The following NGF variants were observed in gnomAD, a reference collection of about 807,000 sequenced individuals.
NGF encodes nerve growth factor, also known as beta-nerve growth factor.
In NGF, 4 loss-of-function variants were observed where a neutral mutation model predicts 12.8. That is an observed-to-expected ratio of 0.31 (90% CI 0.15 to 0.72). The LOEUF (loss-of-function observed/expected upper bound fraction) is 0.72, where lower values mean the gene tolerates loss of function less well. Among genes scored for constraint, NGF ranks in the 30% least tolerant of loss-of-function variants. The probability of loss-of-function intolerance (pLI) is 0.69; values close to 1 mark genes in which losing one functional copy is unlikely to be tolerated. For missense variants in NGF, 283 were observed against 330.8 expected, an observed-to-expected ratio of 0.86 and a Z score of 1.12; for synonymous variants, 140 against 130.0, an observed-to-expected ratio of 1.08 and a Z score of -0.52.
chr1:115,293,445 G>T (rs1231123363), intron 2 of NGF, among the ~76,000 whole-genome samples, 182 bp downstream of exon 2: 1 of 152,216 alleles, frequency 6.6e-6, no homozygotes, highest in Admixed American at 6.5e-5. Context: ...ATGCACAAAA[G>T]ATTTCCTTTC....
chr1:115,293,938 C>A (rs971943599), intron 1 of NGF, among the ~76,000 whole-genome samples, 188 bp from the exon 2 acceptor site: 1 of 152,206 alleles, frequency 6.6e-6, no homozygotes, highest in African/African-American at 2.4e-5. Context: ...TCTCATGGTC[C>A]TGTGGTGGCA....
intron 2 of NGF, among the ~76,000 whole-genome samples, chr1:115,287,696 A>T (rs1653557337): frequency 6.6e-6 from 1 of 151,958 alleles, no homozygotes; most frequent in South Asian, 2.1e-4. Context: ...GTGTCCTTCC[A>T]TCCACCCTTC....
intron 2 of NGF, among the ~76,000 whole-genome samples, chr1:115,289,739 C>G (rs1028967223): frequency 6.6e-6 from 1 of 152,160 alleles, no homozygotes; most frequent in African/African-American, 2.4e-5. Context: ...TCTTGATCCT[C>G]TCTCCTCATC....
chr1:115,295,950 C>G (rs1653854564), intron 1 of NGF, among the ~76,000 whole-genome samples: 1 of 152,126 alleles, frequency 6.6e-6, no homozygotes, highest in Non-Finnish European at 1.5e-5. Context: ...AGCAAGTAAT[C>G]TAGAGATAGG....
At chr1:115,288,380 A>C (rs993444159) in intron 2 of NGF, among the ~76,000 whole-genome samples, 3 of 152,178 alleles carry the variant, frequency 2.0e-5, no homozygotes, top group African/African-American at 4.8e-5. Flanking sequence ...GGAGGTGGGC[A>C]AAAAACACTA....
At chr1:115,290,585 G>A (rs1013232812) in intron 2 of NGF, among the ~76,000 whole-genome samples, 25 of 151,550 alleles carry the variant, frequency 1.6e-4, no homozygotes, top group African/African-American at 4.8e-4. Flanking sequence ...TTGCAGAGGC[G>A]GGGTTTCACC....
intron 2 of NGF, among the ~76,000 whole-genome samples, chr1:115,290,354 T>A (rs1207416532): frequency 4.6e-5 from 7 of 151,902 alleles, no homozygotes; most frequent in Admixed American, 3.9e-4. Flanking sequence ...GGGGAGCTTT[T>A]TCTAATTCTG....
chr1:115,315,328 T>C (rs1654448008), intron 1 of NGF, among the ~76,000 whole-genome samples: 2 of 152,172 alleles, frequency 1.3e-5, no homozygotes, highest in South Asian at 4.1e-4. Flanking sequence ...GCTCCTGCAA[T>C]TATCCAGGTG....
intron 1 of NGF, among the ~76,000 whole-genome samples, chr1:115,299,481 G>A (rs1653968405): frequency 6.6e-6 from 1 of 152,150 alleles, no homozygotes; most frequent in African/African-American, 2.4e-5. Context: ...CACCTGACTG[G>A]AGGAATTCAT....
chr1:115,330,974 CG>C (rs1480373770), intron 1 of NGF, among the ~76,000 whole-genome samples: 2 of 152,174 alleles, frequency 1.3e-5, no homozygotes, highest in Non-Finnish European at 2.9e-5. Context: ...CCACAGGCCT[CG>C]GGGAGAAGCA....
chr1:115,323,729 T>TACTTTAAA (rs1424048521), intron 1 of NGF, among the ~76,000 whole-genome samples: 1 of 152,236 alleles, frequency 6.6e-6, no homozygotes. Flanking sequence ...TTAGGTGTGT[T>TACTTTAAA]ACTTTAAAAC....
At position 115,288,370 on chromosome 1, in the gene NGF, G is replaced by A. The variant is rs116194596; in HGVS notation, c.-12-1563C>T. Among the ~76,000 whole-genome samples, 551 of 152,160 alleles carry A rather than the reference G, an allele frequency of 3.6e-3. 2 individuals are homozygous for A. The highest frequency in any genetic ancestry group is 0.012 in the African/African-American group (515 of 41,524). On this transcript the variant is annotated intron_variant, in intron 2 of 2. Coordinates refer to ENST00000369512, the MANE Select transcript of NGF (RefSeq NM_002506.3). ...CAGAGCCTTAGCGTTCCCATTGATC[G>A]GAGGTGGGCAAAAAACACTATCTCC...
intron 2 of NGF, among the ~76,000 whole-genome samples, chr1:115,287,481 A>C (rs956870690): frequency 3.9e-5 from 6 of 152,196 alleles, no homozygotes; most frequent in Admixed American, 2.6e-4. Context: ...AATGTGGACC[A>C]CATAATAGTT....
intron 1 of NGF, among the ~76,000 whole-genome samples, chr1:115,302,955 C>T (rs534145418): frequency 1.3e-5 from 2 of 152,370 alleles, no homozygotes; most frequent in South Asian, 2.1e-4. Context: ...CCACCACTTT[C>T]AGCCCTGCTT....
At chr1:115,316,633 A>G (rs1654482377) in intron 1 of NGF, among the ~76,000 whole-genome samples, 2 of 152,214 alleles carry the variant, frequency 1.3e-5, no homozygotes, top group African/African-American at 2.4e-5. Flanking sequence ...GTAAATATCC[A>G]AAATCAACCA....
chr1:115,288,581 G>A (rs145339349), intron 2 of NGF, among the ~76,000 whole-genome samples: 1,741 of 152,190 alleles, frequency 0.011, 18 homozygotes, highest in Non-Finnish European at 0.018. Context: ...GGGTGGAGCC[G>A]TGTCTCATCC....
intron 1 of NGF, among the ~76,000 whole-genome samples, chr1:115,307,125 C>T (rs1654223147): frequency 6.6e-6 from 1 of 152,150 alleles, no homozygotes; most frequent in Non-Finnish European, 1.5e-5. Context: ...AATGAGACCA[C>T]CCCAAAACCT....
chr1:115,286,253 G>A lies in NGF; in HGVS notation c.543C>T (p.Asp181=). 1 of 1,614,180 alleles carries A rather than the reference G, an allele frequency of 6.2e-7. No individual in the cohort carries two copies. The highest frequency in any genetic ancestry group is 8.5e-7 in the Non-Finnish European group (1 of 1,180,034). Residue 181 remains aspartate (D), a synonymous_variant, in exon 3 of 3, where the codon GAC becomes GAT. Coordinates refer to ENST00000369512, the MANE Select transcript of NGF (RefSeq NM_002506.3). Reference sequence around the variant, plus strand: ...GGCACCCGCTGTCAACGGGATTTGGGTCCCGGCACTTGGTCTCAAAAAAGT... The same window carrying A: ...GGCACCCGCTGTCAACGGGATTTGGATCCCGGCACTTGGTCTCAAAAAAGT... ...KQYFFETKCR[D]PNPVDSGCRG...
chr1:115,295,034 G>A (rs534966117), intron 1 of NGF, among the ~76,000 whole-genome samples: 104 of 152,222 alleles, frequency 6.8e-4, no homozygotes, highest in Admixed American at 4.6e-3. Flanking sequence ...TTTCCTGTCC[G>A]TATTCTCTCT....
Sources: gnomAD v4.1 joint callset for allele counts (sites outside exome capture counted in the v4.1 genomes callset) on GRCh38, gnomAD v4.1.1 for gene constraint, MANE v1.5 for transcripts, NCBI Gene and HGNC (gene_info 2026-07-23, HGNC 2026-07-21) for gene names.